CLN5: variants seen among roughly 807,000 people sequenced by gnomAD.
The protein encoded by CLN5 is CLN5 lysosomal BMP synthase, also known as bis(monoacylglycero)phosphate synthase CLN5.
Under a neutral mutation model 36.7 loss-of-function variants are expected in CLN5, and 34 were observed. That is an observed-to-expected ratio of 0.93 (90% CI 0.71 to 1.23). The LOEUF is 1.23. CLN5 is among the 50% of genes most tolerant of loss of function. The pLI is 0.00. For synonymous variants in CLN5, 151 were observed against 155.1 expected, an observed-to-expected ratio of 0.97 and a Z score of 0.20; for missense variants, 427 against 439.4, an observed-to-expected ratio of 0.97 and a Z score of 0.25.
chr13:77,000,579 C>T lies in CLN5; in HGVS notation c.687C>T (p.Tyr229=), dbSNP rs778480440. 64 of 1,613,934 alleles carry T rather than the reference C, an allele frequency of 4.0e-5. No individual in the cohort carries two copies. The highest frequency in any genetic ancestry group is 5.3e-5 in the African/African-American group (4 of 74,890). The change falls in exon 4 of 4, where the codon TAC becomes TAT. Residue 229 remains tyrosine (Y), a synonymous_variant. Coordinates refer to ENST00000377453, the MANE Select transcript of CLN5 (RefSeq NM_006493.4). The part of the protein sequence containing the change: ...EKGAETWFDS[Y]DCSKFVLRTF... ...GGGCAGAGACATGGTTTGATTCCTACGACTGTTCCAAATTTGTGTTAAGGA... is the reference window on the plus strand; with the variant it reads ...GGGCAGAGACATGGTTTGATTCCTATGACTGTTCCAAATTTGTGTTAAGGA...
At chr13:76,994,013 T>A (rs911180348) in intron 1 of CLN5, 3 of 152,308 alleles carry the variant, frequency 2.0e-5, no homozygotes, top group African/African-American at 7.2e-5. Context: ...CTTCTTTTCT[T>A]GCCTGCATTG....
chr13:76,992,146 C>T lies in CLN5; in HGVS notation c.48C>T (p.Gly16=), dbSNP rs1448304779. 1 of 1,607,094 alleles carries T rather than the reference C, an allele frequency of 6.2e-7. No individual in the cohort carries two copies. The highest frequency in any genetic ancestry group is 1.3e-5 in the African/African-American group (1 of 74,674). Reference sequence around the variant, plus strand: ...CACAGGGCGCCGAGATGCGGCGGGGCGCGGGCGCGGCTCGGGGACGCGCTT... The same window carrying T: ...CACAGGGCGCCGAGATGCGGCGGGGTGCGGGCGCGGCTCGGGGACGCGCTT... ...DTAQGAEMRR[G]AGAARGRASW... Residue 16 remains glycine, a synonymous_variant, in exon 1 of 4, where the codon GGC becomes GGT. Coordinates refer to ENST00000377453, the MANE Select transcript of CLN5 (RefSeq NM_006493.4).
Position 77,001,013 on chromosome 13 carries a change from C to G in CLN5, c.*44C>G. ...CTCTTTTTTCTCCAATCACCAGCAT[C>G]TGTTTTTCAGGGGGTGATTTTACTT... On this transcript the variant is annotated 3_prime_UTR_variant, in exon 4 of 4. Transcript: ENST00000377453. The G allele has an allele frequency of 1.3e-6, 2 of 1,561,390 alleles. No homozygotes were observed. Among genetic ancestry groups the G allele is most frequent in the Non-Finnish European group, 1.7e-6 (2 of 1,146,582 alleles).
In CLN5 at chr13:76,992,119, G is replaced by C. The variant is rs1057521258; in HGVS notation, c.21G>C (p.Thr7=). ...GCCTGATGGCGCAGGAGGTAGACAC[G>C]GCACAGGGCGCCGAGATGCGGCGGG... MAQEVD[T]AQGAEMRRGA... Residue 7 remains threonine (T), a synonymous_variant, in exon 1 of 4, where the codon ACG becomes ACC. Coordinates refer to ENST00000377453, the MANE Select transcript of CLN5 (RefSeq NM_006493.4). 3.7e-6 allele frequency: 6 copies of C among 1,611,140 alleles called. No individual in the cohort carries two copies. The highest frequency in any genetic ancestry group is 2.2e-5 in the East Asian group (1 of 44,800).
chr13:76,996,035 G>T lies in CLN5; in HGVS notation c.473G>T (p.Trp158Leu). 6.2e-7 allele frequency: 1 copy of T among 1,614,206 alleles called. No homozygotes were observed. The highest frequency in any genetic ancestry group is 8.5e-7 in the Non-Finnish European group (1 of 1,180,046). ...HLRPEMDAPFWCNQGAACFFE... is the reference protein window; with the variant it reads ...HLRPEMDAPFLCNQGAACFFE... ...CGACCTGAAATGGATGCCCCTTTCT[G>T]GTGTAATCAAGGCGCTGCCTGCTTT... The change falls in exon 3 of 4, where the codon TGG becomes TTG. Residue 158 changes from tryptophan to leucine, a missense_variant. Coordinates refer to ENST00000377453, the MANE Select transcript of CLN5 (RefSeq NM_006493.4).
intron 1 of CLN5, chr13:76,992,597 A>G (rs893052989): frequency 3.0e-5 from 14 of 459,490 alleles, no homozygotes; most frequent in Admixed American, 8.2e-5. Context: ...TGATTTCTTG[A>G]GTAGTTTAAA....
chr13:77,003,356 A>ATC lies in CLN5; in HGVS notation c.*2388_*2389insCT. 2 of 152,184 alleles carry ATC rather than the reference A, an allele frequency of 1.3e-5. No individual in the cohort carries two copies. Among genetic ancestry groups the ATC allele is most frequent in the Non-Finnish European group, 2.9e-5 (2 of 68,042 alleles). 9.4% of individuals were successfully genotyped at this position (152,184 alleles called of 1,614,324 possible). A position where few individuals can be genotyped will look rare whatever the true frequency, so the allele number is the denominator to read the frequency against. On this transcript the variant is annotated 3_prime_UTR_variant, in exon 4 of 4. Coordinates refer to ENST00000377453, the MANE Select transcript of CLN5 (RefSeq NM_006493.4). ...TTTTTCATTGTTCCTAAGAATCTTAATTAAATGAAGACAGAAAGCATCATA... is the reference window on the plus strand; with the variant it reads ...TTTTTCATTGTTCCTAAGAATCTTAATCTTAAATGAAGACAGAAAGCATCATA...
chr13:77,000,187 C>T (rs2034333610), intron 3 of CLN5: 1 of 202,326 alleles, frequency 4.9e-6, no homozygotes, highest in Non-Finnish European at 1.0e-5. Flanking sequence ...CAGCAAGACC[C>T]CGTGTTGCCC....
chr13:76,996,269 G>T, intron 3 of CLN5, 142 bp downstream of exon 3: 2 of 718,530 alleles, frequency 2.8e-6, no homozygotes, highest in South Asian at 1.8e-5. Flanking sequence ...ATTAAACTTT[G>T]GGAATTTTTT....
At chr13:76,997,763 A>G (rs922626906) in intron 3 of CLN5, 7 of 152,242 alleles carry the variant, frequency 4.6e-5, no homozygotes, top group African/African-American at 1.7e-4. Context: ...TTCCCTAAAA[A>G]TGCTCTTTTC....
Position 76,992,178 on chromosome 13 carries a change from G to T in CLN5, c.80G>T (p.Cys27Phe). 1.9e-6 allele frequency: 3 copies of T among 1,605,736 alleles called. No individual in the cohort carries two copies. The highest frequency in any genetic ancestry group is 2.5e-6 in the Non-Finnish European group (3 of 1,178,102). Reference protein sequence around the residue: ...AGAARGRASWCWALALLWLAV... With the variant: ...AGAARGRASWFWALALLWLAV... ...GCGGCTCGGGGACGCGCTTCCTGGT[G>T]CTGGGCCCTGGCGCTGCTTTGGCTC... is the stretch of plus-strand genomic sequence containing the variant. The change falls in exon 1 of 4, where the codon TGC becomes TTC. Residue 27 changes from cysteine (C) to phenylalanine (F), a missense_variant. Cys to Phe is a radical substitution (Grantham distance 205). Coordinates refer to ENST00000377453, the MANE Select transcript of CLN5 (RefSeq NM_006493.4).
rs534382948 is a variant in CLN5, at chr13:76,996,455, G to A, written c.565+328G>A. 211 of 284,780 alleles carry A rather than the reference G, an allele frequency of 7.4e-4. 3 individuals carry two copies. In the South Asian group the frequency reaches 7.7e-3, roughly 10 times the overall value. 17.6% of individuals were successfully genotyped at this position (284,780 alleles called of 1,614,324 possible). A position where few individuals can be genotyped will look rare whatever the true frequency, so the allele number is the denominator to read the frequency against. ...AGTCTTTTATCCCTCACCCCTCTCC[G>A]ACCCTTTTCCCCGACTTCCCAAAGT... On this transcript the variant is annotated intron_variant, in intron 3 of 3. Transcript: ENST00000377453.
chr13:77,000,548 A>G lies in CLN5; in HGVS notation c.656A>G (p.Glu219Gly). 6.2e-7 allele frequency: 1 copy of G among 1,614,118 alleles called. No homozygotes were observed. The highest frequency in any genetic ancestry group is 8.5e-7 in the Non-Finnish European group (1 of 1,180,016). The change falls in exon 4 of 4, where the codon GAA becomes GGA. Residue 219 changes from glutamate to glycine, a missense_variant. Coordinates refer to ENST00000377453, the MANE Select transcript of CLN5 (RefSeq NM_006493.4). ...YETWNVKASP[E>G]KGAETWFDSY... is the part of the protein sequence containing the mutation. ...ACATGGAATGTAAAAGCCAGCCCAG[A>G]AAAGGGGGCAGAGACATGGTTTGAT...
In CLN5 at chr13:77,001,102, T is replaced by C. The variant is rs1044114037; in HGVS notation, c.*133T>C. On this transcript the variant is annotated 3_prime_UTR_variant, in exon 4 of 4. Coordinates refer to ENST00000377453, the MANE Select transcript of CLN5 (RefSeq NM_006493.4). ...TTAAAATGCACATCAGCAGAATTGC[T>C]GCATATTAACATCTCAGGACTCTTC... 5 of 761,136 alleles carry C rather than the reference T, an allele frequency of 6.6e-6. No homozygotes were observed. Among genetic ancestry groups the C allele is most frequent in the Non-Finnish European group, 1.1e-5 (5 of 471,948 alleles). The allele number at this position is 761,136 out of a possible 1,614,324, so 47.1% of individuals were successfully genotyped here.
intron 1 of CLN5, chr13:76,992,502 C>T (rs2034198357): frequency 3.4e-6 from 2 of 583,232 alleles, no homozygotes; most frequent in South Asian, 2.0e-5. Context: ...TGGTCACTTG[C>T]GGCAGACTCA....
rs2034263363 is a variant in CLN5 at position 76,996,097 on chromosome 13, G to T, written c.535G>T (p.Gly179Trp). ...TGATGATGTTCACTGGAAGGAAAAT[G>T]GGACATTAGTTCAAGTAGCAACTAT... The part of the protein sequence containing the change: ...GIDDVHWKEN[G>W]TLVQVATISG... Residue 179 changes from glycine to tryptophan, a missense_variant, in exon 3 of 4, where the codon GGG becomes TGG. By Grantham distance (184) the Gly-to-Trp change is radical. Coordinates refer to ENST00000377453, the MANE Select transcript of CLN5 (RefSeq NM_006493.4). The T allele has an allele frequency of 6.2e-7, 1 of 1,614,104 alleles. No individual in the cohort carries two copies.
chr13:77,000,188 C>T (rs769765595), intron 3 of CLN5: 3 of 203,506 alleles, frequency 1.5e-5, no homozygotes, highest in South Asian at 2.1e-4. Context: ...AGCAAGACCC[C>T]GTGTTGCCCA....
chr13:77,000,852 G>C lies in CLN5; in HGVS notation c.960G>C (p.Gln320His), dbSNP rs1455002686. ...TTGATGCAGTGATTGTGCACAAACA[G>C]TTCTATTTGTTTTATAATTTTGAAT... ...QIFDAVIVHK[Q>H]FYLFYNFEYW... Residue 320 changes from glutamine to histidine, a missense_variant, in exon 4 of 4, where the codon CAG becomes CAC. Transcript: ENST00000377453. 4.4e-6 allele frequency: 7 copies of C among 1,597,732 alleles called. No individual in the cohort carries two copies. In the African/African-American group the frequency reaches 6.8e-5, roughly 15 times the overall value.
Position 77,000,532 on chromosome 13 carries a change from G to A in CLN5, c.640G>A (p.Val214Ile). Residue 214 changes from valine to isoleucine, a missense_variant, in exon 4 of 4, where the codon GTA (valine) becomes ATA (isoleucine). Transcript: ENST00000377453. ...ETGIYYETWN[V>I]KASPEKGAET... ...AGGAATTTATTATGAGACATGGAAT[G>A]TAAAAGCCAGCCCAGAAAAGGGGGC... is the stretch of plus-strand genomic sequence containing the variant. 1.2e-6 allele frequency: 2 copies of A among 1,614,084 alleles called. No individual in the cohort carries two copies. Among genetic ancestry groups the A allele is most frequent in the South Asian group, 1.1e-5 (1 of 91,086 alleles).
Sources: allele counts gnomAD v4.1 joint callset, GRCh38; gene constraint gnomAD v4.1.1; transcripts MANE v1.5; gene names NCBI Gene and HGNC (gene_info 2026-07-23, HGNC 2026-07-21).